Variants in PPP3CB observed in about 807,000 individuals in gnomAD.
PPP3CB encodes the protein serine/threonine-protein phosphatase 2B catalytic subunit beta isoform.
Under a neutral mutation model 66.4 loss-of-function variants are expected in PPP3CB, and 8 were observed. The ratio of observed to expected loss-of-function variants is 0.12; its 90% CI spans 0.07 to 0.22. PPP3CB has a LOEUF of 0.22. Among genes scored for constraint, PPP3CB ranks in the 10% least tolerant of loss-of-function variants. The probability of loss-of-function intolerance (pLI) is 1.00; values close to 1 mark genes in which losing one functional copy is unlikely to be tolerated. For synonymous variants in PPP3CB, 208 were observed against 221.2 expected, an observed-to-expected ratio of 0.94 and a Z score of 0.53; for missense variants, 319 against 642.5, an observed-to-expected ratio of 0.50 and a Z score of 5.44.
intron 3 of PPP3CB, among the ~76,000 whole-genome samples, chr10:73,477,963 T>C (rs2056818564): frequency 6.6e-6 from 1 of 152,106 alleles, no homozygotes; most frequent in Non-Finnish European, 1.5e-5. Flanking sequence ...AGGAACCATC[T>C]ACTGTTAAGT....
rs1320067384 is a variant in PPP3CB, at chr10:73,438,246, T to A, written c.1571A>T (p.Gln524Leu). The change falls in exon 14 of 14, where the codon CAG (glutamine) becomes CTG (leucine). Residue 524 changes from glutamine to leucine, a missense_variant. By Grantham distance (113) the Gln-to-Leu change is moderately radical. Transcript: ENST00000360663. ...GAGTCCCTGGGAAGTAGTGGGTCAC[T>A]GGGCAGTATGGTTGCCCGTCCCGTG... ...ENHGTGNHTA[Q>L] 1 of 1,612,688 alleles carries A rather than the reference T, an allele frequency of 6.2e-7. No homozygotes were observed. Among genetic ancestry groups the A allele is most frequent in the Non-Finnish European group, 8.5e-7 (1 of 1,179,084 alleles).
intron 1 of PPP3CB, among the ~76,000 whole-genome samples, chr10:73,481,327 C>G (rs1352751570): frequency 6.6e-6 from 1 of 151,554 alleles, no homozygotes; most frequent in African/African-American, 2.4e-5. Context: ...CAAAAATTAG[C>G]TGGGTGTGGT....
intron 12 of PPP3CB, among the ~76,000 whole-genome samples, chr10:73,442,439 T>A (rs557696820): frequency 2.8e-4 from 42 of 152,228 alleles, no homozygotes; most frequent in African/African-American, 9.2e-4. Flanking sequence ...AGTAATGTTA[T>A]ATCCAAGGAT....
At chr10:73,473,188 A>G (rs959326805) in intron 4 of PPP3CB, among the ~76,000 whole-genome samples, 1 of 152,172 alleles carries the variant, frequency 6.6e-6, no homozygotes, top group Non-Finnish European at 1.5e-5. Flanking sequence ...CCTTGAAGTT[A>G]TAAGAGTATG....
At chr10:73,438,604 A>G (rs958280594) in intron 13 of PPP3CB, among the ~76,000 whole-genome samples, 184 bp from the exon 14 acceptor site, 4 of 152,210 alleles carry the variant, frequency 2.6e-5, no homozygotes, top group African/African-American at 9.6e-5. Context: ...TTTAAACCTA[A>G]ATATAAACAT....
Position 73,475,552 on chromosome 10 carries a change from T to C in PPP3CB, c.412-522A>G, listed in dbSNP as rs139290382. Among the ~76,000 whole-genome samples the C allele has an allele frequency of 7.1e-4, 108 of 152,334 alleles. 1 individual carries two copies. In the East Asian group the frequency reaches 0.019, roughly 27 times the overall value. ...CCACAAAACTTCTAAGTGATGGAGA[T>C]AGGATTCTGATCCTCTGATCTTAAG... On this transcript the variant is annotated intron_variant, in intron 3 of 13. Transcript: ENST00000360663.
intron 4 of PPP3CB, among the ~76,000 whole-genome samples, chr10:73,471,832 T>C (rs1390842277): frequency 1.3e-5 from 2 of 152,000 alleles, no homozygotes; most frequent in East Asian, 1.9e-4. Context: ...AACAGCAAAG[T>C]GGTGGCCAGG....
Position 73,495,782 on chromosome 10 carries a change from C to T in PPP3CB, c.85+23G>A, listed in dbSNP as rs367886959. The stretch of plus-strand genomic sequence containing the variant: ...ACAGCTAGCTCTTCAGGCCAGGCCC[C>T]CAGGGTTTCGTCCACCTCTCACCTT... On this transcript the variant is annotated intron_variant, in intron 1 of 13. Transcript: ENST00000360663. 8 of 1,569,910 alleles carry T rather than the reference C, an allele frequency of 5.1e-6. No individual in the cohort carries two copies. In the African/African-American group the frequency reaches 1.1e-4, roughly 22 times the overall value.
intron 10 of PPP3CB, among the ~76,000 whole-genome samples, chr10:73,451,729 A>G (rs2056347355): frequency 6.8e-6 from 1 of 146,690 alleles, no homozygotes; most frequent in Admixed American, 6.8e-5. Flanking sequence ...ACATAGGGAA[A>G]CCTCACTCAT....
intron 4 of PPP3CB, 54 bp downstream of exon 4, chr10:73,474,865 T>G (rs1276425792): frequency 8.8e-6 from 14 of 1,596,892 alleles, no homozygotes; most frequent in Non-Finnish European, 1.2e-5. Context: ...TACTACCCAC[T>G]TAAGTCCAAA....
In PPP3CB at chr10:73,479,365, T is replaced by C. The variant is rs2056838657; in HGVS notation, c.238A>G (p.Ile80Val). The change falls in exon 2 of 14, where the codon ATC becomes GTC. Residue 80 changes from isoleucine (I) to valine (V), a missense_variant. Coordinates refer to ENST00000360663, the MANE Select transcript of PPP3CB (RefSeq NM_021132.4). ...ATCATGGTTTTCTCTCTCCGAAGGATGGCAGCACCCTCATTGATAATTCTA... is the reference window on the plus strand; with the variant it reads ...ATCATGGTTTTCTCTCTCCGAAGGACGGCAGCACCCTCATTGATAATTCTA... ...ALRIINEGAA[I>V]LRREKTMIEV... 2.5e-6 allele frequency: 4 copies of C among 1,614,164 alleles called. No homozygotes were observed. Among genetic ancestry groups the C allele is most frequent in the East Asian group, 2.2e-5 (1 of 44,860 alleles).
At chr10:73,474,864 C>G (rs569292616) in intron 4 of PPP3CB, 55 bp downstream of exon 4, 11 of 1,595,744 alleles carry the variant, frequency 6.9e-6, no homozygotes, top group Non-Finnish European at 7.7e-6. Context: ...TTACTACCCA[C>G]TTAAGTCCAA....
At chr10:73,482,263 G>A (rs2056891423) in intron 1 of PPP3CB, among the ~76,000 whole-genome samples, 1 of 151,142 alleles carries the variant, frequency 6.6e-6, no homozygotes, top group Non-Finnish European at 1.5e-5. Context: ...GCTACGTACT[G>A]GCTGGATGCA....
At chr10:73,440,844 T>G (rs1334792863) in intron 12 of PPP3CB, among the ~76,000 whole-genome samples, 1 of 152,242 alleles carries the variant, frequency 6.6e-6, no homozygotes, top group African/African-American at 2.4e-5. Flanking sequence ...GTATAGTGTG[T>G]CACTGGTCCA....
chr10:73,478,753 A>G (rs2056829232), intron 2 of PPP3CB, 130 bp from the exon 3 acceptor site: 2 of 725,074 alleles, frequency 2.8e-6, no homozygotes, highest in South Asian at 3.8e-5. Context: ...GAAGTAGTCT[A>G]TGAACAGTCA....
rs1224846686 is a variant in PPP3CB, at chr10:73,440,063, C to T, written c.1367-162G>A. ...TAGTACCCAAATTAGAGAGCCCCAT[C>T]CAAACCCCCAATTCCTGACACAGCA... On this transcript the variant is annotated intron_variant, in intron 12 of 13. Coordinates refer to ENST00000360663, the MANE Select transcript of PPP3CB (RefSeq NM_021132.4). Among the ~76,000 whole-genome samples the T allele has an allele frequency of 2.0e-5, 3 of 152,266 alleles. No homozygotes were observed. The East Asian group carries it at 5.8e-4, about 29-fold the overall frequency.
rs1339992767 is a variant in PPP3CB at position 73,436,849 on chromosome 10, TATAAAATACTCGA to T, written c.*1380_*1392del. On this transcript the variant is annotated 3_prime_UTR_variant, in exon 14 of 14. Transcript: ENST00000360663. ...ATGGAATTTATTGTGTGCTACTGTT[TATAAAATACTCGA>T]ATAGTCCTGCACATGCATAATATTT... 3.3e-5 allele frequency: 5 copies of T among 152,304 alleles called. No individual in the cohort carries two copies. The highest frequency in any genetic ancestry group is 3.3e-4 in the Admixed American group (5 of 15,278). The allele number at this position is 152,304 out of a possible 1,614,324, so 9.4% of individuals were successfully genotyped here. A position where few individuals can be genotyped will look rare whatever the true frequency, so the allele number is the denominator to read the frequency against.
chr10:73,438,451 A>G (rs747315564), intron 13 of PPP3CB, 31 bp from the exon 14 acceptor site: 4 of 1,536,046 alleles, frequency 2.6e-6, no homozygotes, highest in Non-Finnish European at 3.6e-6. Context: ...ATAAGTCAGT[A>G]ATTGAAAAAC....
intron 3 of PPP3CB, among the ~76,000 whole-genome samples, chr10:73,477,996 TG>T (rs1242911630): frequency 6.6e-6 from 1 of 152,204 alleles, no homozygotes; most frequent in Non-Finnish European, 1.5e-5. Flanking sequence ...GTCATTTTAA[TG>T]CCTCAAGTTT....
Sources: allele counts gnomAD v4.1 joint callset (sites outside exome capture counted in the v4.1 genomes callset), GRCh38; gene constraint gnomAD v4.1.1; transcripts MANE v1.5; gene names NCBI Gene and HGNC (gene_info 2026-07-23, HGNC 2026-07-21).